The following SBNO2 variants were observed in gnomAD, a reference collection of about 807,000 sequenced individuals.
SBNO2 encodes strawberry notch homolog 2.
SBNO2 carries 89 observed loss-of-function variants against 146.3 expected under a neutral mutation model. The observed-to-expected ratio is 0.61, with a 90% CI of 0.51 to 0.73. SBNO2 has a LOEUF of 0.73. Among genes scored for constraint, SBNO2 ranks in the 30% least tolerant of loss-of-function variants. SBNO2 has a pLI of 0.00. For synonymous variants in SBNO2, 1,147 were observed against 892.6 expected (o/e 1.29, Z -5.08); for missense variants, 2,092 against 2,003.7 (o/e 1.04, Z -0.84).
chr19:1,172,495 A>T (rs2080487404), intron 1 of SBNO2, among the ~76,000 whole-genome samples: 1 of 152,150 alleles, frequency 6.6e-6, no homozygotes, highest in Admixed American at 6.5e-5. Flanking sequence ...GCCTGCCACA[A>T]ACTCTCTGGG....
intron 14 of SBNO2, among the ~76,000 whole-genome samples, chr19:1,117,840 G>A (rs188466931): frequency 1.2e-3 from 178 of 152,372 alleles, no homozygotes; most frequent in Non-Finnish European, 1.2e-3. Context: ...ATCCTGTCCA[G>A]GGGACACTGG....
At chr19:1,169,970 T>C (rs1466776597) in intron 1 of SBNO2, among the ~76,000 whole-genome samples, 1 of 152,110 alleles carries the variant, frequency 6.6e-6, no homozygotes, top group Non-Finnish European at 1.5e-5. Context: ...CCACTTCTCT[T>C]CTGTGGACTG....
rs745368963 is a variant in SBNO2 at position 1,117,455 on chromosome 19, G to A, written c.1572C>T (p.Ile524=). 6.9e-6 allele frequency: 11 copies of A among 1,588,510 alleles called. No homozygotes were observed. Among genetic ancestry groups the A allele is most frequent in the Admixed American group, 1.8e-5 (1 of 56,698 alleles). Residue 524 remains isoleucine (I), a synonymous_variant, in exon 15 of 32, where the codon ATC becomes ATT. Transcript: ENST00000361757. ...ACAGGGACTTGCGCGACTCCAGGCCGATCCAGTCGGCCGCCTGCTGGAACA... is the reference window on the plus strand; with the variant it reads ...ACAGGGACTTGCGCGACTCCAGGCCAATCCAGTCGGCCGCCTGCTGGAACA... ...LNVFQQAADW[I]GLESRKSLWG... is the part of the protein sequence containing the mutation.
At position 1,110,378 on chromosome 19, in the gene SBNO2, C is replaced by T. The variant is rs1211108441; in HGVS notation, c.3028+367G>A. Among the ~76,000 whole-genome samples, 1 of 152,172 alleles carries T rather than the reference C, an allele frequency of 6.6e-6. No homozygotes were observed. Among genetic ancestry groups the T allele is most frequent in the Non-Finnish European group, 1.5e-5 (1 of 68,016 alleles). ...GGATGAGCATGGTGGGCAGCGTGCACCAGCCTGGGCACCTTCCAGAGACGT... is the reference window on the plus strand; with the variant it reads ...GGATGAGCATGGTGGGCAGCGTGCATCAGCCTGGGCACCTTCCAGAGACGT... On this transcript the variant is annotated intron_variant, in intron 26 of 31. Coordinates refer to ENST00000361757, the MANE Select transcript of SBNO2 (RefSeq NM_014963.3). This position sits in a 1 kb window ranked among gnomAD's most constrained non-coding sequence, Gnocchi z 4.9.
intron 5 of SBNO2, 29 bp downstream of exon 5, chr19:1,127,575 G>A (rs1305154318): frequency 6.2e-7 from 1 of 1,605,888 alleles, no homozygotes; most frequent in South Asian, 1.1e-5. Flanking sequence ...GGTGGGTCGG[G>A]GCTGGCTGGG....
chr19:1,159,983 C>T (rs891741040), intron 1 of SBNO2, among the ~76,000 whole-genome samples: 1 of 152,066 alleles, frequency 6.6e-6, no homozygotes, highest in African/African-American at 2.4e-5. Flanking sequence ...CTGCCCCTGC[C>T]CACGCCAGTG....
In SBNO2 at chr19:1,173,518, G is replaced by A. The variant is rs1262414950; in HGVS notation, c.-127+654C>T. 2.0e-5 allele frequency among the ~76,000 whole-genome samples: 3 copies of A among 152,072 alleles called. No individual in the cohort carries two copies. The highest frequency in any genetic ancestry group is 1.5e-5 in the Non-Finnish European group (1 of 68,014). On this transcript the variant is annotated intron_variant, in intron 1 of 31. Coordinates refer to ENST00000361757, the MANE Select transcript of SBNO2 (RefSeq NM_014963.3). This position sits in a 1 kb window ranked among gnomAD's most constrained non-coding sequence, Gnocchi z 4.7. ...GGAGCGGGAGGGGCGGGGAGCAAGG[G>A]GAGGGAGGGAGACAGGGCTGCGCTG...
chr19:1,114,213 G>C lies in SBNO2; in HGVS notation c.2077+18C>G. 7.0e-7 allele frequency: 1 copy of C among 1,432,372 alleles called. No individual in the cohort carries two copies. Among genetic ancestry groups the C allele is most frequent in the Non-Finnish European group, 9.2e-7 (1 of 1,084,244 alleles). The allele number at this position is 1,432,372 out of a possible 1,614,324, so 88.7% of individuals were successfully genotyped here. A position where few individuals can be genotyped will look rare whatever the true frequency, so the allele number is the denominator to read the frequency against. Reference sequence around the variant, plus strand: ...ATCCTGACCCACAGGTGGCTGGCCAGCCTGGGCAAGCCCTCACCCCGGTCG... The same window carrying C: ...ATCCTGACCCACAGGTGGCTGGCCACCCTGGGCAAGCCCTCACCCCGGTCG... On this transcript the variant is annotated intron_variant, in intron 18 of 31. Transcript: ENST00000361757.
chr19:1,152,243 C>A (rs149590435), intron 2 of SBNO2, among the ~76,000 whole-genome samples: 51 of 152,354 alleles, frequency 3.3e-4, no homozygotes, highest in African/African-American at 1.2e-3. Flanking sequence ...CCTTCCTGCT[C>A]CCGCTCGGAT....
At chr19:1,113,841 C>T (rs991305492) in intron 18 of SBNO2, 137 bp from the exon 19 acceptor site, 9 of 1,171,616 alleles carry the variant, frequency 7.7e-6, no homozygotes, top group Admixed American at 7.6e-5. Context: ...CGGGGAAGCC[C>T]GGCACCGTGG....
intron 1 of SBNO2, among the ~76,000 whole-genome samples, chr19:1,159,845 G>A (rs1375688755): frequency 1.3e-5 from 2 of 151,826 alleles, no homozygotes; most frequent in East Asian, 1.9e-4. Context: ...CAAGACATCC[G>A]TGAGGTTCCC....
chr19:1,132,247 GCTCTC>G, intron 4 of SBNO2: 1 of 1,307,680 alleles, frequency 7.6e-7, no homozygotes, highest in Non-Finnish European at 9.8e-7. Context: ...GACGGGGGCG[GCTCTC>G]CGCCCGGCTG....
At chr19:1,168,164 A>G (rs912593918) in intron 1 of SBNO2, among the ~76,000 whole-genome samples, 8 of 152,174 alleles carry the variant, frequency 5.3e-5, no homozygotes, top group African/African-American at 1.9e-4. Context: ...AAAGTCGGCA[A>G]GCAATTCAAG....
chr19:1,117,473 C>A lies in SBNO2; in HGVS notation c.1554G>T (p.Gln518His). The stretch of plus-strand genomic sequence containing the variant: ...CCAGGCCGATCCAGTCGGCCGCCTG[C>A]TGGAACACGTTCAGGGCCTCGGCCC... The part of the protein sequence containing the change: ...LLWAEALNVF[Q>H]QAADWIGLES... Residue 518 changes from glutamine to histidine, a missense_variant, in exon 15 of 32, where the codon CAG (glutamine) becomes CAT (histidine). Coordinates refer to ENST00000361757, the MANE Select transcript of SBNO2 (RefSeq NM_014963.3). 1 of 1,587,450 alleles carries A rather than the reference C, an allele frequency of 6.3e-7. No homozygotes were observed. The highest frequency in any genetic ancestry group is 8.6e-7 in the Non-Finnish European group (1 of 1,168,556).
At chr19:1,132,485 A>G (rs908067365) in intron 4 of SBNO2, among the ~76,000 whole-genome samples, 2 of 152,204 alleles carry the variant, frequency 1.3e-5, no homozygotes, top group African/African-American at 4.8e-5. Context: ...GACGTGCAGA[A>G]TGCCCAGGTG....
rs567541932 is a variant in SBNO2, at chr19:1,117,601, C to T, written c.1528-102G>A. The T allele has an allele frequency of 9.5e-5, 120 of 1,258,580 alleles. 1 individual carries two copies. The African/African-American group carries it at 1.6e-3, about 17-fold the overall frequency. 78.0% of individuals were successfully genotyped at this position (1,258,580 alleles called of 1,614,324 possible). ...AGCCCTGGGCAAGGCATCCCCACGC[C>T]AGGTGGAATTTAGGGCAGGATGGGG... On this transcript the variant is annotated intron_variant, in intron 14 of 31. Transcript: ENST00000361757.
Position 1,150,699 on chromosome 19 carries a change from C to T in SBNO2, c.94-1257G>A, listed in dbSNP as rs1599868697. Reference sequence around the variant, plus strand: ...AGTCCCCCAGTGACCTCTCCCAGGCCCACGTGAGCCCTGCTCCTCTATGAG... The same window carrying T: ...AGTCCCCCAGTGACCTCTCCCAGGCTCACGTGAGCCCTGCTCCTCTATGAG... On this transcript the variant is annotated intron_variant, in intron 2 of 31. Coordinates refer to ENST00000361757, the MANE Select transcript of SBNO2 (RefSeq NM_014963.3). The surrounding 1 kb of genome is among the most constrained non-coding windows in gnomAD (Gnocchi z 6.2). Among the ~76,000 whole-genome samples, 2 of 152,172 alleles carry T rather than the reference C, an allele frequency of 1.3e-5. No homozygotes were observed. Among genetic ancestry groups the T allele is most frequent in the East Asian group, 3.8e-4 (2 of 5,198 alleles).
rs1470626451 is a variant in SBNO2 at position 1,144,809 on chromosome 19, G to A, written c.279+2500C>T. ...ACAGAGACAGAGAGGGAGACAGAGA[G>A]ACAGAGACAGAGAGGGAGACAGAGA... is the stretch of plus-strand genomic sequence containing the variant. On this transcript the variant is annotated intron_variant, in intron 4 of 31. Transcript: ENST00000361757. The surrounding 1 kb of genome is among the most constrained non-coding windows in gnomAD (Gnocchi z 4.1). 6.6e-6 allele frequency among the ~76,000 whole-genome samples: 1 copy of A among 151,018 alleles called. No individual in the cohort carries two copies. Among genetic ancestry groups the A allele is most frequent in the South Asian group, 2.1e-4 (1 of 4,778 alleles).
intron 1 of SBNO2, among the ~76,000 whole-genome samples, chr19:1,156,039 C>T (rs775943627): frequency 2.6e-5 from 4 of 152,172 alleles, no homozygotes; most frequent in African/African-American, 4.8e-5. Flanking sequence ...CCACGGTGGA[C>T]GGAGCTTGGG....
Sources: allele counts gnomAD v4.1 joint callset (sites outside exome capture counted in the v4.1 genomes callset), GRCh38; gene constraint gnomAD v4.1.1; non-coding constraint Gnocchi (gnomAD v3.1); transcripts MANE v1.5; gene names NCBI Gene and HGNC (gene_info 2026-07-23, HGNC 2026-07-21).